WDR72: variants seen among roughly 807,000 people sequenced by gnomAD.
WDR72 encodes the protein WD repeat-containing protein 72.
WDR72 carries 120 observed loss-of-function variants against 124.2 expected under a neutral mutation model. The observed-to-expected ratio is 0.97, with a 90% confidence interval of 0.83 to 1.12. The LOEUF is 1.12. WDR72 is among the 50% of genes most tolerant of loss of function. The probability of loss-of-function intolerance (pLI) is 0.00; values close to 1 mark genes in which losing one functional copy is unlikely to be tolerated. For synonymous variants in WDR72, 452 were observed against 441.7 expected (o/e 1.02, Z -0.29); for missense variants, 1,387 against 1,278.8 (o/e 1.08, Z -1.29).
intron 2 of WDR72, among the ~76,000 whole-genome samples, chr15:53,730,745 T>G (rs1157173633): frequency 6.6e-6 from 1 of 152,170 alleles, no homozygotes; most frequent in Non-Finnish European, 1.5e-5. Context: ...CAAGGACTCC[T>G]TTTTTTCTAC....
At chr15:53,534,727 G>C (rs1892663418) in intron 18 of WDR72, among the ~76,000 whole-genome samples, 1 of 152,058 alleles carries the variant, frequency 6.6e-6, no homozygotes, top group South Asian at 2.1e-4. Flanking sequence ...CTCACGTAAA[G>C]TACTCAAAAG....
intron 1 of WDR72, among the ~76,000 whole-genome samples, chr15:53,739,484 C>G (rs1194848489): frequency 1.3e-5 from 2 of 152,176 alleles, no homozygotes; most frequent in Non-Finnish European, 2.9e-5. Flanking sequence ...TAGAAACTAG[C>G]AGTTTTAACT....
chr15:53,582,666 T>G (rs973334932), intron 18 of WDR72, among the ~76,000 whole-genome samples: 3 of 152,022 alleles, frequency 2.0e-5, no homozygotes, highest in African/African-American at 7.2e-5. Flanking sequence ...ACATTTTAAC[T>G]GCTAAATATA....
intron 19 of WDR72, among the ~76,000 whole-genome samples, chr15:53,520,890 T>C (rs774030025): frequency 5.9e-5 from 9 of 152,114 alleles, no homozygotes; most frequent in Non-Finnish European, 1.2e-4. Flanking sequence ...CGAATACTCA[T>C]GCTTCAAGGA....
chr15:53,657,232 C>G (rs1269958807), intron 14 of WDR72, among the ~76,000 whole-genome samples: 1 of 128,558 alleles, frequency 7.8e-6, no homozygotes, highest in Non-Finnish European at 1.6e-5. Context: ...TCATTGCACT[C>G]CAGCCTGGGC....
chr15:53,616,276 C>T, intron 14 of WDR72, 33 bp from the exon 15 acceptor site: 1 of 1,545,160 alleles, frequency 6.5e-7, no homozygotes, highest in South Asian at 1.1e-5. Flanking sequence ...TGTCAAAGTT[C>T]TTGCTTATTA....
At chr15:53,547,511 T>C (rs1475638003) in intron 18 of WDR72, among the ~76,000 whole-genome samples, 3 of 152,168 alleles carry the variant, frequency 2.0e-5, no homozygotes, top group African/African-American at 7.2e-5. Flanking sequence ...GCTGGGTATA[T>C]AGCAGTGATC....
chr15:53,715,486 G>A (rs1396657273), intron 4 of WDR72, 119 bp from the exon 5 acceptor site: 1 of 1,180,142 alleles, frequency 8.5e-7, no homozygotes, highest in Non-Finnish European at 1.2e-6. Flanking sequence ...GTATTGAACT[G>A]AATAGCAACT....
At chr15:53,567,184 T>C (rs2140300556) in intron 18 of WDR72, among the ~76,000 whole-genome samples, 1 of 152,116 alleles carries the variant, frequency 6.6e-6, no homozygotes, top group African/African-American at 2.4e-5. Flanking sequence ...CAACATGTGT[T>C]GGGAAATCAG....
chr15:53,611,096 T>C (rs545561089), intron 16 of WDR72, among the ~76,000 whole-genome samples: 16 of 152,242 alleles, frequency 1.1e-4, no homozygotes, highest in African/African-American at 2.6e-4. Context: ...ACCAACATTA[T>C]TCAGTCAATT....
At chr15:53,632,270 T>C (rs2014458596) in intron 14 of WDR72, among the ~76,000 whole-genome samples, 3 of 151,982 alleles carry the variant, frequency 2.0e-5, no homozygotes, top group Admixed American at 6.6e-5. Flanking sequence ...AGATATAGCT[T>C]GGGCCACTGC....
Position 53,700,078 on chromosome 15 carries a change from C to T in WDR72, c.1570-133G>A, listed in dbSNP as rs186546369. 91 of 992,202 alleles carry T rather than the reference C, an allele frequency of 9.2e-5. No homozygotes were observed. The East Asian group carries it at 2.1e-3, about 23-fold the overall frequency. The allele number at this position is 992,202 out of a possible 1,614,324, so 61.5% of individuals were successfully genotyped here. On this transcript the variant is annotated intron_variant, in intron 12 of 19. Transcript: ENST00000360509. The stretch of plus-strand genomic sequence containing the variant: ...TTTACAAAAATGATATTTCTGCTTT[C>T]TACAGCACCTTTCATGTAACCCTCT...
rs1408192303 is a variant in WDR72 at position 53,609,735 on chromosome 15, T to C, written c.2873-143A>G. ...CCAGGTTCAATCTTCCAGAGATTTT[T>C]ATTTTACAGATCCTGTGGTAGAGGT... is the stretch of plus-strand genomic sequence containing the variant. On this transcript the variant is annotated intron_variant, in intron 16 of 19. Transcript: ENST00000360509. 3 of 723,038 alleles carry C rather than the reference T, an allele frequency of 4.1e-6. No homozygotes were observed. The African/African-American group carries it at 5.3e-5, about 13-fold the overall frequency. 44.8% of individuals were successfully genotyped at this position (723,038 alleles called of 1,614,324 possible).
chr15:53,749,688 G>A (rs2018728476), intron 1 of WDR72, among the ~76,000 whole-genome samples: 1 of 152,142 alleles, frequency 6.6e-6, no homozygotes, highest in Non-Finnish European at 1.5e-5. Context: ...CAAACCATTA[G>A]CTAAATTGTG....
intron 3 of WDR72, 84 bp from the exon 4 acceptor site, chr15:53,716,769 A>AGTGCTGCACTTAATT: frequency 1.0e-6 from 1 of 955,682 alleles, no homozygotes; most frequent in Non-Finnish European, 1.7e-6. Context: ...GTTTTTCTTT[A>AGTGCTGCACTTAATT]GCAGCCTGAT....
At chr15:53,622,952 A>T (rs186125645) in intron 14 of WDR72, among the ~76,000 whole-genome samples, 1 of 152,332 alleles carries the variant, frequency 6.6e-6, no homozygotes, top group African/African-American at 2.4e-5. Flanking sequence ...ATCAATAATC[A>T]AAGGCTAATA....
chr15:53,529,881 G>A (rs1892355324), intron 18 of WDR72, among the ~76,000 whole-genome samples: 1 of 151,962 alleles, frequency 6.6e-6, no homozygotes. Flanking sequence ...GTATTACAAA[G>A]AGAAAACGTG....
intron 19 of WDR72, among the ~76,000 whole-genome samples, 172 bp from the exon 20 acceptor site, chr15:53,517,926 T>C (rs1319714941): frequency 6.6e-6 from 1 of 152,044 alleles, no homozygotes; most frequent in Non-Finnish European, 1.5e-5. Flanking sequence ...TTATAATTTC[T>C]ACATGTCTTT....
intron 14 of WDR72, among the ~76,000 whole-genome samples, chr15:53,625,425 A>G (rs1319186378): frequency 6.6e-6 from 1 of 152,234 alleles, no homozygotes; most frequent in Non-Finnish European, 1.5e-5. Flanking sequence ...GAAAAGAGAG[A>G]AGGTATTGTT....
Sources: allele counts gnomAD v4.1 joint callset (sites outside exome capture counted in the v4.1 genomes callset), GRCh38; gene constraint gnomAD v4.1.1; transcripts MANE v1.5; gene names NCBI Gene and HGNC (gene_info 2026-07-23, HGNC 2026-07-21).